SLC38A1: variants seen among roughly 807,000 people sequenced by gnomAD.
SLC38A1 encodes the protein solute carrier family 38 member 1.
Under a neutral mutation model 60.3 loss-of-function variants are expected in SLC38A1, and 18 were observed. The observed-to-expected ratio is 0.30, with a 90% CI of 0.21 to 0.44. SLC38A1 has a LOEUF of 0.44. SLC38A1 is among the 20% of genes least tolerant of loss of function. The pLI is 1.00. For missense variants in SLC38A1, 448 were observed against 587.2 expected (o/e 0.76, Z 2.45); for synonymous variants, 196 against 212.1 (o/e 0.92, Z 0.66).
At chr12:46,231,852 C>T (rs1383397737) in intron 3 of SLC38A1, among the ~76,000 whole-genome samples, 1 of 152,208 alleles carries the variant, frequency 6.6e-6, no homozygotes, top group African/African-American at 2.4e-5. Flanking sequence ...GCCAGCCAGG[C>T]TGGTCTTGAA....
At chr12:46,206,724 A>G (rs1019102438) in intron 8 of SLC38A1, among the ~76,000 whole-genome samples, 2 of 152,096 alleles carry the variant, frequency 1.3e-5, no homozygotes, top group Non-Finnish European at 2.9e-5. Flanking sequence ...TAGCTGCAAC[A>G]TTTTCCAGGG....
At chr12:46,231,378 T>A (rs909702486) in intron 3 of SLC38A1, among the ~76,000 whole-genome samples, 1 of 152,166 alleles carries the variant, frequency 6.6e-6, no homozygotes, top group Non-Finnish European at 1.5e-5. Flanking sequence ...ACTTCACCAC[T>A]ATGTATTATA....
Position 46,198,001 on chromosome 12 carries a change from G to A in SLC38A1, c.1182C>T (p.Thr394=), listed in dbSNP as rs374828774. 44 of 1,613,644 alleles carry A rather than the reference G, an allele frequency of 2.7e-5. No homozygotes were observed. The highest frequency in any genetic ancestry group is 4.5e-5 in the East Asian group (2 of 44,830). Residue 394 remains threonine, a synonymous_variant, in exon 15 of 17, where the codon ACC becomes ACT. Coordinates refer to ENST00000398637, the MANE Select transcript of SLC38A1 (RefSeq NM_030674.4). Reference sequence around the variant, plus strand: ...CAACCAAGAGTATGCAGGTAACCACGGTATGACGACATAAATTAAACTTTG... The same window carrying A: ...CAACCAAGAGTATGCAGGTAACCACAGTATGACGACATAAATTAAACTTTG... ...KKTKFNLCRH[T]VVTCILLVVI...
intron 16 of SLC38A1, among the ~76,000 whole-genome samples, chr12:46,194,833 CT>C (rs371404721): frequency 1.1e-4 from 17 of 150,410 alleles, no homozygotes; most frequent in East Asian, 7.7e-4. Context: ...TTCATCTAAC[CT>C]TTTTTTTTTC....
Position 46,243,971 on chromosome 12 carries a change from CA to C in SLC38A1, c.-208-658del, listed in dbSNP as rs572449880. 1.5e-4 allele frequency among the ~76,000 whole-genome samples: 23 copies of C among 152,256 alleles called. No individual in the cohort carries two copies. The East Asian group carries it at 4.2e-3, about 28-fold the overall frequency. ...GTTATAGATCAAAGGAGAGGATACACAAAGAAACTTATCTGGCCTTAAGTCA... is the reference window on the plus strand; with the variant it reads ...GTTATAGATCAAAGGAGAGGATACACAAGAAACTTATCTGGCCTTAAGTCA... On this transcript the variant is annotated intron_variant, in intron 1 of 16. Transcript: ENST00000398637.
chr12:46,189,158 C>T, intron 16 of SLC38A1, 87 bp from the exon 17 acceptor site: 3 of 935,446 alleles, frequency 3.2e-6, no homozygotes, highest in South Asian at 1.4e-5. Flanking sequence ...ACAGTTTTTC[C>T]TCTCCCTTTG....
chr12:46,232,200 A>G (rs1397364099), intron 3 of SLC38A1, among the ~76,000 whole-genome samples: 1 of 152,198 alleles, frequency 6.6e-6, no homozygotes, highest in African/African-American at 2.4e-5. Context: ...AAGGATGTGG[A>G]AGAAAAACCT....
chr12:46,232,479 C>A (rs904961210), intron 3 of SLC38A1, among the ~76,000 whole-genome samples: 1 of 152,264 alleles, frequency 6.6e-6, no homozygotes, highest in Non-Finnish European at 1.5e-5. Flanking sequence ...CTGCTAATAA[C>A]TGCTTTGGCT....
rs113636282 is a variant in SLC38A1 at position 46,199,325 on chromosome 12, G to T, written c.1004-582C>A. Among the ~76,000 whole-genome samples the T allele has an allele frequency of 4.3e-4, 27 of 62,970 alleles. 1 individual carries two copies. Among genetic ancestry groups the T allele is most frequent in the African/African-American group, 6.4e-4 (9 of 14,050 alleles). 41.3% of individuals were successfully genotyped at this position (62,970 alleles called of 152,430 possible). A position where few individuals can be genotyped will look rare whatever the true frequency, so the allele number is the denominator to read the frequency against. ...TACTACTTTGTGTGTGTGTGTGTGT[G>T]TGTGTGTGTGTGTGTGTGTGTGTGT... On this transcript the variant is annotated intron_variant, in intron 13 of 16. Coordinates refer to ENST00000398637, the MANE Select transcript of SLC38A1 (RefSeq NM_030674.4).
intron 1 of SLC38A1, among the ~76,000 whole-genome samples, chr12:46,261,686 T>C (rs909772479): frequency 6.6e-6 from 1 of 152,192 alleles, no homozygotes; most frequent in African/African-American, 2.4e-5. Context: ...TATGTAAAAA[T>C]GCATTTAGTA....
At chr12:46,249,169 A>AG in intron 1 of SLC38A1, among the ~76,000 whole-genome samples, 1 of 44,524 alleles carries the variant, frequency 2.2e-5, no homozygotes, top group South Asian at 7.2e-4. Context: ...AAAAAAAAAA[A>AG]AAAAAAGAAA....
chr12:46,249,734 C>A (rs1941766976), intron 1 of SLC38A1, among the ~76,000 whole-genome samples: 1 of 152,194 alleles, frequency 6.6e-6, no homozygotes, highest in African/African-American at 2.4e-5. Context: ...CCAGAAAAAT[C>A]TAGGAAAAAT....
At chr12:46,206,250 A>G in intron 8 of SLC38A1, 88 bp from the exon 9 acceptor site, 1 of 669,694 alleles carries the variant, frequency 1.5e-6, no homozygotes, top group African/African-American at 1.9e-5. Context: ...ATCATGATAT[A>G]TATTTTTATT....
At position 46,266,486 on chromosome 12, in the gene SLC38A1, C is replaced by A. The variant is rs570932019; in HGVS notation, c.-209+2040G>T. On this transcript the variant is annotated intron_variant, in intron 1 of 16. Transcript: ENST00000398637. ...CCTGTTCCTTCCGCTGGCCTTCTTC[C>A]CTCAATTATGGAAATAGCTGATCCC... Among the ~76,000 whole-genome samples, 322 of 151,838 alleles carry A rather than the reference C, an allele frequency of 2.1e-3. 2 individuals carry two copies. Among genetic ancestry groups the A allele is most frequent in the South Asian group, 0.021 (101 of 4,764 alleles).
rs568989047 is a variant in SLC38A1 at position 46,234,586 on chromosome 12, C to T, written c.123-4947G>A. 3.5e-3 allele frequency among the ~76,000 whole-genome samples: 531 copies of T among 151,858 alleles called. 5 individuals are homozygous for T. The highest frequency in any genetic ancestry group is 5.5e-3 in the Non-Finnish European group (373 of 67,898). Reference sequence around the variant, plus strand: ...CCTCAGCCTCCCGAGTAGCTGGGACCACAGGCGCCCGCCACCGTACCCGGC... The same window carrying T: ...CCTCAGCCTCCCGAGTAGCTGGGACTACAGGCGCCCGCCACCGTACCCGGC... On this transcript the variant is annotated intron_variant, in intron 3 of 16. Coordinates refer to ENST00000398637, the MANE Select transcript of SLC38A1 (RefSeq NM_030674.4).
In SLC38A1 at chr12:46,229,177, G is replaced by C; in HGVS notation, c.290C>G (p.Ala97Gly). The part of the protein sequence containing the change: ...SGILGLAFAL[A>G]NTGILLFLVL... Reference sequence around the variant, plus strand: ...CAGAAAAAGTAGGATTCCAGTGTTTGCCAGGGCAAAGGCGAGTCCCAAAAT... The same window carrying C: ...CAGAAAAAGTAGGATTCCAGTGTTTCCCAGGGCAAAGGCGAGTCCCAAAAT... Residue 97 changes from alanine (A) to glycine (G), a missense_variant, in exon 5 of 17, where the codon GCA becomes GGA. Coordinates refer to ENST00000398637, the MANE Select transcript of SLC38A1 (RefSeq NM_030674.4). The C allele has an allele frequency of 6.2e-7, 1 of 1,612,530 alleles. No individual in the cohort carries two copies. The highest frequency in any genetic ancestry group is 8.5e-7 in the Non-Finnish European group (1 of 1,178,952).
At position 46,188,457 on chromosome 12, in the gene SLC38A1, C is replaced by T. The variant is rs1301925763; in HGVS notation, c.*513G>A. On this transcript the variant is annotated 3_prime_UTR_variant, in exon 17 of 17. Coordinates refer to ENST00000398637, the MANE Select transcript of SLC38A1 (RefSeq NM_030674.4). ...TGCCCTATAACTTTCAGATGATTAT[C>T]TCCATGTGCTATGTTAACCAAAATA... The T allele has an allele frequency of 2.0e-5, 3 of 152,968 alleles. No individual in the cohort carries two copies. Among genetic ancestry groups the T allele is most frequent in the African/African-American group, 7.2e-5 (3 of 41,424 alleles). The allele number at this position is 152,968 out of a possible 1,614,324, so 9.5% of individuals were successfully genotyped here. A position where few individuals can be genotyped will look rare whatever the true frequency, so the allele number is the denominator to read the frequency against.
At chr12:46,240,283 G>A (rs1477386292) in intron 2 of SLC38A1, among the ~76,000 whole-genome samples, 1 of 152,142 alleles carries the variant, frequency 6.6e-6, no homozygotes, top group Non-Finnish European at 1.5e-5. Flanking sequence ...TGCAACCTCT[G>A]CTTCCCTGGT....
At chr12:46,198,817 A>G in intron 13 of SLC38A1, 74 bp from the exon 14 acceptor site, 2 of 873,830 alleles carry the variant, frequency 2.3e-6, no homozygotes, top group Non-Finnish European at 3.6e-6. Flanking sequence ...TTTCTGAAAA[A>G]CAAAGAATCT....
Sources: gnomAD v4.1 joint callset for allele counts (sites outside exome capture counted in the v4.1 genomes callset) on GRCh38, gnomAD v4.1.1 for gene constraint, MANE v1.5 for transcripts, NCBI Gene and HGNC (gene_info 2026-07-23, HGNC 2026-07-21) for gene names.